The following ILDR1 variants were observed in gnomAD, a reference collection of about 807,000 sequenced individuals.
ILDR1 encodes immunoglobulin-like domain-containing receptor 1.
A neutral mutation model predicts 62.4 loss-of-function variants in ILDR1; 56 were observed. The observed-to-expected ratio is 0.90, with a 90% CI of 0.72 to 1.12. The LOEUF (loss-of-function observed/expected upper bound fraction) is 1.12. Among genes scored for constraint, ILDR1 ranks in the 50% most tolerant of loss-of-function variants. The pLI, the probability that ILDR1 is intolerant of heterozygous loss-of-function variation, is 0.00. For missense variants in ILDR1, 736 were observed against 710.6 expected, an observed-to-expected ratio of 1.04 and a Z score of -0.41; for synonymous variants, 284 against 277.8, an observed-to-expected ratio of 1.02 and a Z score of -0.22.
chr3:122,036,382 G>T, the ILDR1 span, among the ~76,000 whole-genome samples: 7 of 152,142 alleles, frequency 4.6e-5, no homozygotes, highest in Non-Finnish European at 1.0e-4. Flanking sequence ...AAGGTCAGGA[G>T]ATCAAGACAA....
intron 1 of ILDR1, among the ~76,000 whole-genome samples, chr3:122,008,686 C>T (rs749992818): frequency 1.3e-5 from 2 of 150,436 alleles, no homozygotes; most frequent in Non-Finnish European, 2.9e-5. Flanking sequence ...CTCCACCTCT[C>T]GGGTTCATGG....
chr3:122,036,750 G>C, the ILDR1 span, among the ~76,000 whole-genome samples: 2 of 152,268 alleles, frequency 1.3e-5, no homozygotes, highest in African/African-American at 2.4e-5. Flanking sequence ...CAAAACAATG[G>C]GGAAAATGTC....
chr3:122,046,285 T>G, the ILDR1 span, among the ~76,000 whole-genome samples: 9 of 150,068 alleles, frequency 6.0e-5, no homozygotes, highest in South Asian at 4.2e-4. Flanking sequence ...TGCCGAGAGA[T>G]CCGCTGTTAG....
the ILDR1 span, among the ~76,000 whole-genome samples, chr3:122,041,120 A>T: frequency 6.6e-6 from 1 of 152,342 alleles, no homozygotes; most frequent in African/African-American, 2.4e-5. Context: ...CAGACACCTT[A>T]CCAAAGAAGA....
At chr3:122,016,118 A>G (rs2071773398) in intron 1 of ILDR1, among the ~76,000 whole-genome samples, 1 of 152,206 alleles carries the variant, frequency 6.6e-6, no homozygotes, top group African/African-American at 2.4e-5. Context: ...CAGTCCCGCT[A>G]ACATTCTTCT....
intron 2 of ILDR1, among the ~76,000 whole-genome samples, chr3:122,006,496 G>GA (rs1428408671): frequency 6.6e-6 from 1 of 152,152 alleles, no homozygotes; most frequent in African/African-American, 2.4e-5. Flanking sequence ...GCCTGGGGGG[G>GA]CACTGGAGGG....
Position 121,988,236 on chromosome 3 carries a change from T to C in ILDR1, c.*131A>G, listed in dbSNP as rs757100881. ...CTCTTGTATTTAAAATTCTTCTATT[T>C]GATTCTCAGAATCTAAGCCAAAAAC... On this transcript the variant is annotated 3_prime_UTR_variant, in exon 8 of 8. Transcript: ENST00000344209. 27 of 775,146 alleles carry C rather than the reference T, an allele frequency of 3.5e-5. No homozygotes were observed. The highest frequency in any genetic ancestry group is 6.0e-5 in the Non-Finnish European group (26 of 430,998). 48.0% of individuals were successfully genotyped at this position (775,146 alleles called of 1,614,324 possible). A position where few individuals can be genotyped will look rare whatever the true frequency, so the allele number is the denominator to read the frequency against.
intron 3 of ILDR1, among the ~76,000 whole-genome samples, chr3:122,004,001 C>T (rs2107659381): frequency 6.6e-6 from 1 of 151,242 alleles, no homozygotes; most frequent in Non-Finnish European, 1.5e-5. Context: ...TGAGGGCTGG[C>T]TTGGGGAAAA....
chr3:122,055,331 C>T, the ILDR1 span: 22 of 645,810 alleles, frequency 3.4e-5, no homozygotes, highest in South Asian at 3.3e-4. Flanking sequence ...GGAACAGCTT[C>T]TCTTAAAGAA....
intron 3 of ILDR1, 88 bp from the exon 4 acceptor site, chr3:122,001,952 G>A: frequency 6.8e-7 from 1 of 1,462,652 alleles, no homozygotes; most frequent in Non-Finnish European, 9.5e-7. Flanking sequence ...TGGGCAGCAT[G>A]GCAAGACCTT....
At chr3:122,029,509 A>ATATATATATATATATATAT in the ILDR1 span, among the ~76,000 whole-genome samples, 5 of 113,502 alleles carry the variant, frequency 4.4e-5, no homozygotes, top group African/African-American at 1.8e-4. Context: ...CCGTCTAAAA[A>ATATATATATATATATATAT]AAATATATAT....
At chr3:122,024,385 G>T (rs965438051), upstream of ILDR1, among the ~76,000 whole-genome samples, 13 of 152,184 alleles carry the variant, frequency 8.5e-5, no homozygotes, top group African/African-American at 2.9e-4. Context: ...ACATAATAGG[G>T]AAGATAAGTT....
At chr3:122,021,767 G>C (rs1352649236) in intron 1 of ILDR1, among the ~76,000 whole-genome samples, 1 of 152,242 alleles carries the variant, frequency 6.6e-6, no homozygotes, top group Non-Finnish European at 1.5e-5. Context: ...CTGCAGGAAC[G>C]AAAGTTCAAA....
At chr3:121,991,299 C>T (rs760204190) in intron 7 of ILDR1, among the ~76,000 whole-genome samples, 5 of 152,092 alleles carry the variant, frequency 3.3e-5, no homozygotes, top group Non-Finnish European at 7.4e-5. Context: ...TACAAGAAGT[C>T]ACATAATTTA....
intron 1 of ILDR1, among the ~76,000 whole-genome samples, chr3:122,014,952 T>C (rs1385190827): frequency 6.6e-6 from 1 of 152,170 alleles, no homozygotes; most frequent in Non-Finnish European, 1.5e-5. Flanking sequence ...CACATGCAAA[T>C]TTAGGCATGA....
chr3:122,003,755 G>C (rs1237350060), intron 3 of ILDR1, among the ~76,000 whole-genome samples: 1 of 152,000 alleles, frequency 6.6e-6, no homozygotes, highest in African/African-American at 2.4e-5. Context: ...AGTGGGAGTA[G>C]TGGAAGGTAT....
chr3:122,039,675 T>C, the ILDR1 span, among the ~76,000 whole-genome samples: 1 of 151,936 alleles, frequency 6.6e-6, no homozygotes, highest in Non-Finnish European at 1.5e-5. Context: ...TGATGTATAA[T>C]ATGGGTTAGA....
At chr3:122,035,180 C>T in the ILDR1 span, among the ~76,000 whole-genome samples, 1 of 152,094 alleles carries the variant, frequency 6.6e-6, no homozygotes, top group Non-Finnish European at 1.5e-5. Context: ...ACTCTGTAGG[C>T]ATAAAGGAAA....
At chr3:122,003,557 T>A (rs531568144) in intron 3 of ILDR1, among the ~76,000 whole-genome samples, 2 of 152,284 alleles carry the variant, frequency 1.3e-5, no homozygotes, top group South Asian at 4.1e-4. Flanking sequence ...TGTTAATATT[T>A]TAAAGGATCT....
Sources: allele counts gnomAD v4.1 joint callset (sites outside exome capture counted in the v4.1 genomes callset), GRCh38; gene constraint gnomAD v4.1.1; transcripts MANE v1.5; gene names NCBI Gene and HGNC (gene_info 2026-07-23, HGNC 2026-07-21).